DISC1: variants seen among roughly 807,000 people sequenced by gnomAD.
DISC1 encodes the protein DISC1 scaffold protein.
In DISC1, 57 loss-of-function variants were observed where a neutral mutation model predicts 84.5. The ratio of observed to expected loss-of-function variants is 0.67; its 90% CI spans 0.55 to 0.84. DISC1 has a LOEUF of 0.84. Among genes scored for constraint, DISC1 ranks in the 40% least tolerant of loss-of-function variants. DISC1 has a pLI of 0.00. For synonymous variants in DISC1, 411 were observed against 415.2 expected, an observed-to-expected ratio of 0.99 and a Z score of 0.12; for missense variants, 1,000 against 1,057.8, an observed-to-expected ratio of 0.95 and a Z score of 0.76.
chr1:231,767,043 G>C lies in DISC1; in HGVS notation c.1269-97G>C. On this transcript the variant is annotated intron_variant, in intron 4 of 12. Transcript: ENST00000439617. The stretch of plus-strand genomic sequence containing the variant: ...ACCCTCCTAAGTATGAGAACAGATG[G>C]GGGCCACTTGCTGGAGTTTCTTACT... 11 of 1,531,958 alleles carry C rather than the reference G, an allele frequency of 7.2e-6. 1 individual carries two copies. Among genetic ancestry groups the C allele is most frequent in the South Asian group, 3.5e-5 (3 of 85,008 alleles). 94.9% of individuals were successfully genotyped at this position (1,531,958 alleles called of 1,614,324 possible). A position where few individuals can be genotyped will look rare whatever the true frequency, so the allele number is the denominator to read the frequency against.
In DISC1 at chr1:231,908,810, T is replaced by A. The variant is rs368564854; in HGVS notation, c.1982-50018T>A. Among the ~76,000 whole-genome samples the A allele has an allele frequency of 3.9e-5, 6 of 152,198 alleles. No homozygotes were observed. The East Asian group carries it at 9.6e-4, about 24-fold the overall frequency. ...ATTCTTCCTATCCATGAGCATGGAA[T>A]GTTCTTCCATTTGTTTGTGTCCTCT... On this transcript the variant is annotated intron_variant, in intron 9 of 12. Coordinates refer to ENST00000439617, the MANE Select transcript of DISC1 (RefSeq NM_018662.3).
At chr1:231,836,182 G>A (rs371413555) in intron 9 of DISC1, among the ~76,000 whole-genome samples, 10 of 152,040 alleles carry the variant, frequency 6.6e-5, no homozygotes, top group South Asian at 2.1e-4. Context: ...GTCTTTGGCT[G>A]TTTTTTTCTT....
chr1:232,012,787 C>T (rs560320156), intron 11 of DISC1, among the ~76,000 whole-genome samples: 14 of 152,322 alleles, frequency 9.2e-5, no homozygotes, highest in Admixed American at 6.5e-4. Context: ...GTCTACGGTC[C>T]TTGCCAGGCT....
chr1:231,654,193 C>G (rs912550521), intron 1 of DISC1, among the ~76,000 whole-genome samples: 1 of 152,154 alleles, frequency 6.6e-6, no homozygotes, highest in African/African-American at 2.4e-5. Flanking sequence ...TTGCAGCCCT[C>G]TAGTGCCCTG....
intron 10 of DISC1, among the ~76,000 whole-genome samples, chr1:231,968,033 A>G (rs970896823): frequency 5.3e-5 from 8 of 152,220 alleles, no homozygotes; most frequent in Non-Finnish European, 5.9e-5. Context: ...AAAACTAAGT[A>G]ACACTTTACA....
chr1:231,904,135 G>A (rs1384424148), intron 9 of DISC1, among the ~76,000 whole-genome samples: 7 of 152,136 alleles, frequency 4.6e-5, no homozygotes, highest in Admixed American at 4.6e-4. Context: ...CTTCATCTAT[G>A]GCACCTTTGA....
chr1:231,878,116 A>T (rs1028842578), intron 9 of DISC1, among the ~76,000 whole-genome samples: 2 of 152,250 alleles, frequency 1.3e-5, no homozygotes, highest in Non-Finnish European at 2.9e-5. Flanking sequence ...TTTATTAAGC[A>T]TATTCTATCA....
Position 231,702,098 on chromosome 1 carries a change from C to T in DISC1, c.1117+74C>T, listed in dbSNP as rs1163498758. On this transcript the variant is annotated intron_variant, in intron 3 of 12. Transcript: ENST00000439617. The stretch of plus-strand genomic sequence containing the variant: ...TCTTTCCATCTTTACTCATATCTAC[C>T]TTTTGAATCCCAAAAGAATTGTACA... 2.6e-6 allele frequency: 4 copies of T among 1,538,742 alleles called. No homozygotes were observed. In the African/African-American group the frequency reaches 5.5e-5, roughly 21 times the overall value.
chr1:232,026,512 A>G lies in DISC1; in HGVS notation c.2385A>G (p.Gln795=), dbSNP rs896695339. The G allele has an allele frequency of 6.2e-7, 1 of 1,607,780 alleles. No homozygotes were observed. The highest frequency in any genetic ancestry group is 8.5e-7 in the Non-Finnish European group (1 of 1,176,902). Residue 795 remains glutamine, a synonymous_variant, in exon 12 of 13, where the codon CAA becomes CAG. Transcript: ENST00000439617. ...AGAAGCTATTGTACTTGGAAGATCA[A>G]CTTCACACAGCAATCCACAGTCATG... The part of the protein sequence containing the change: ...IGKKLLYLED[Q]LHTAIHSHDE...
intron 9 of DISC1, among the ~76,000 whole-genome samples, chr1:231,947,187 C>T (rs527790673): frequency 3.9e-5 from 6 of 152,316 alleles, no homozygotes; most frequent in South Asian, 2.1e-4. Flanking sequence ...GGAAGCATCA[C>T]GCTACTTGAC....
chr1:231,800,899 G>C (rs2079179280), intron 8 of DISC1, among the ~76,000 whole-genome samples: 1 of 151,744 alleles, frequency 6.6e-6, no homozygotes, highest in African/African-American at 2.4e-5. Context: ...TGGGGCTAAA[G>C]TCCAGGCCCT....
At chr1:231,877,325 A>T (rs1211823039) in intron 9 of DISC1, among the ~76,000 whole-genome samples, 2 of 152,232 alleles carry the variant, frequency 1.3e-5, no homozygotes, top group African/African-American at 2.4e-5. Flanking sequence ...GGTTTTGAGC[A>T]CCAAGAGAAA....
chr1:231,643,113 A>G (rs1558228737), intron 1 of DISC1, among the ~76,000 whole-genome samples: 2 of 152,160 alleles, frequency 1.3e-5, no homozygotes, highest in Non-Finnish European at 2.9e-5. Context: ...CATTTCGCTA[A>G]TTCTTTGGGT....
At chr1:231,992,382 A>G (rs1031664559) in intron 10 of DISC1, among the ~76,000 whole-genome samples, 1 of 152,006 alleles carries the variant, frequency 6.6e-6, no homozygotes, top group African/African-American at 2.4e-5. Flanking sequence ...CTTGACTTTC[A>G]AAACTCTTTG....
In DISC1 at chr1:231,824,173, C is replaced by T. The variant is rs1034906324; in HGVS notation, c.1981+5656C>T. On this transcript the variant is annotated intron_variant, in intron 9 of 12. Coordinates refer to ENST00000439617, the MANE Select transcript of DISC1 (RefSeq NM_018662.3). ...GAAAACTTAGCTCTCCGGGCCAGAA[C>T]GGTGATAGTGCTCTTGATAACAGAG... Among the ~76,000 whole-genome samples the T allele has an allele frequency of 5.3e-5, 8 of 152,118 alleles. 1 individual carries two copies. Among genetic ancestry groups the T allele is most frequent in the African/African-American group, 1.7e-4 (7 of 41,400 alleles).
At chr1:231,955,707 C>T (rs1001809576) in intron 9 of DISC1, among the ~76,000 whole-genome samples, 8 of 152,050 alleles carry the variant, frequency 5.3e-5, no homozygotes, top group African/African-American at 1.9e-4. Flanking sequence ...CCAGGCTGGT[C>T]TTGAACTCCA....
At chr1:231,883,954 A>G (rs1230218560) in intron 9 of DISC1, among the ~76,000 whole-genome samples, 1 of 152,122 alleles carries the variant, frequency 6.6e-6, no homozygotes, top group Non-Finnish European at 1.5e-5. Context: ...ATGGCCAGCT[A>G]AATAAATGAC....
chr1:231,988,000 A>G (rs1022078095), intron 10 of DISC1, among the ~76,000 whole-genome samples: 25 of 152,128 alleles, frequency 1.6e-4, no homozygotes, highest in African/African-American at 5.6e-4. Context: ...AGCCTGACCA[A>G]TATGGTGAAA....
chr1:232,030,116 G>A (rs1371070910), intron 12 of DISC1, among the ~76,000 whole-genome samples: 1 of 152,200 alleles, frequency 6.6e-6, no homozygotes, highest in Non-Finnish European at 1.5e-5. Flanking sequence ...GGTGGCTCAC[G>A]CCTAGTGCCT....
Sources: allele counts gnomAD v4.1 joint callset (sites outside exome capture counted in the v4.1 genomes callset), GRCh38; gene constraint gnomAD v4.1.1; transcripts MANE v1.5; gene names NCBI Gene and HGNC (gene_info 2026-07-23, HGNC 2026-07-21).